AGAP1: variants seen among roughly 807,000 people sequenced by gnomAD.
The protein encoded by AGAP1 is arf-GAP with GTPase, ANK repeat and PH domain-containing protein 1.
In AGAP1, 29 loss-of-function variants were observed where a neutral mutation model predicts 105.3. That is an observed-to-expected ratio of 0.28 (90% CI 0.21 to 0.38). The LOEUF is 0.38. AGAP1 is among the 10% of genes least tolerant of loss of function. The pLI is 1.00. For missense variants in AGAP1, 998 were observed against 1,165.1 expected (o/e 0.86, Z 2.09); for synonymous variants, 509 against 485.9 (o/e 1.05, Z -0.63).
intron 9 of AGAP1, among the ~76,000 whole-genome samples, chr2:235,846,897 G>C (rs1961561221): frequency 6.6e-6 from 1 of 152,196 alleles, no homozygotes; most frequent in Non-Finnish European, 1.5e-5. Flanking sequence ...CAAAGTGCTG[G>C]GATGACAGGC....
At chr2:235,727,882 T>C (rs1468227930) in intron 3 of AGAP1, among the ~76,000 whole-genome samples, 1 of 152,070 alleles carries the variant, frequency 6.6e-6, no homozygotes, top group African/African-American at 2.4e-5. Flanking sequence ...AGGGTGGGGG[T>C]GCAGCATGTC....
At chr2:236,007,259 C>T (rs2056352055) in intron 13 of AGAP1, among the ~76,000 whole-genome samples, 1 of 152,182 alleles carries the variant, frequency 6.6e-6, no homozygotes, top group Admixed American at 6.5e-5. Context: ...CCAGAGAAGT[C>T]CTTAAATGGA....
chr2:235,853,854 G>C (rs1202290973), intron 9 of AGAP1, among the ~76,000 whole-genome samples: 1 of 151,896 alleles, frequency 6.6e-6, no homozygotes, highest in Non-Finnish European at 1.5e-5. Flanking sequence ...GCTATACCTT[G>C]AATTAACTTG....
At chr2:235,564,926 C>T (rs535205128) in intron 1 of AGAP1, among the ~76,000 whole-genome samples, 1 of 148,786 alleles carries the variant, frequency 6.7e-6, no homozygotes, top group African/African-American at 2.6e-5. Flanking sequence ...CCTGAACCAC[C>T]ACTCACGGCC....
rs969971324 is a variant in AGAP1 at position 236,055,100 on chromosome 2, T to A, written c.2114+5819T>A. Among the ~76,000 whole-genome samples, 1 of 152,236 alleles carries A rather than the reference T, an allele frequency of 6.6e-6. No individual in the cohort carries two copies. The highest frequency in any genetic ancestry group is 1.5e-5 in the Non-Finnish European group (1 of 68,034). On this transcript the variant is annotated intron_variant, in intron 16 of 17. Coordinates refer to ENST00000304032, the MANE Select transcript of AGAP1 (RefSeq NM_001037131.3). This position sits in a 1 kb window ranked among gnomAD's most constrained non-coding sequence, Gnocchi z 6.2. ...CTCCCGCTTGTCAAGGTCCGGGCTG[T>A]GCTCTTCTTTCAATTAAGTTCTCTG... is the stretch of plus-strand genomic sequence containing the variant.
At chr2:235,861,789 C>T (rs893239737) in intron 9 of AGAP1, among the ~76,000 whole-genome samples, 1 of 152,182 alleles carries the variant, frequency 6.6e-6, no homozygotes, top group African/African-American at 2.4e-5. Flanking sequence ...GACCCTTCAC[C>T]TTCTCTGTGC....
At position 235,724,071 on chromosome 2, in the gene AGAP1, G is replaced by GT. The variant is rs1216699184; in HGVS notation, c.310+6429dup. On this transcript the variant is annotated intron_variant, in intron 3 of 17. Coordinates refer to ENST00000304032, the MANE Select transcript of AGAP1 (RefSeq NM_001037131.3). The surrounding 1 kb of genome is among the most constrained non-coding windows in gnomAD (Gnocchi z 4.9). The stretch of plus-strand genomic sequence containing the variant: ...CCTTAGCCAGGCATGATGTGGGAGC[G>GT]TTGGCCCTGGCATTCCCGGGTCTTC... Among the ~76,000 whole-genome samples, 1 of 152,242 alleles carries GT rather than the reference G, an allele frequency of 6.6e-6. No individual in the cohort carries two copies. Among genetic ancestry groups the GT allele is most frequent in the African/African-American group, 2.4e-5 (1 of 41,466 alleles).
rs1368159657 is a variant in AGAP1 at position 236,109,926 on chromosome 2, C to T, written c.2115-10266C>T. The stretch of plus-strand genomic sequence containing the variant: ...GACCAGAACCAAGTGTTAAGATGGC[C>T]AAAGGGAGAGCATGAGAAAATGATG... On this transcript the variant is annotated intron_variant, in intron 16 of 17. Coordinates refer to ENST00000304032, the MANE Select transcript of AGAP1 (RefSeq NM_001037131.3). The surrounding 1 kb of genome is among the most constrained non-coding windows in gnomAD (Gnocchi z 5.4). Among the ~76,000 whole-genome samples the T allele has an allele frequency of 6.6e-6, 1 of 152,174 alleles. No homozygotes were observed. The highest frequency in any genetic ancestry group is 1.5e-5 in the Non-Finnish European group (1 of 68,032).
chr2:235,602,941 A>G (rs1945781060), intron 1 of AGAP1, among the ~76,000 whole-genome samples: 1 of 152,176 alleles, frequency 6.6e-6, no homozygotes, highest in South Asian at 2.1e-4. Flanking sequence ...ACCTCAGGTG[A>G]TCCTCCTGCA....
intron 1 of AGAP1, among the ~76,000 whole-genome samples, chr2:235,576,704 C>A (rs545678398): frequency 1.3e-5 from 2 of 152,352 alleles, no homozygotes; most frequent in East Asian, 3.9e-4. Context: ...TTGGCCTGGG[C>A]CCCCTCTGAG....
chr2:235,834,896 G>A (rs568431053), intron 9 of AGAP1, among the ~76,000 whole-genome samples: 263 of 152,262 alleles, frequency 1.7e-3, no homozygotes, highest in African/African-American at 6.0e-3. Context: ...TCTTAATCAC[G>A]CCACGCAGGT....
Position 235,789,189 on chromosome 2 carries a change from GGTTTTT to G in AGAP1, c.674-8557_674-8552del, listed in dbSNP as rs1190007771. Among the ~76,000 whole-genome samples, 1 of 152,114 alleles carries G rather than the reference GGTTTTT, an allele frequency of 6.6e-6. No individual in the cohort carries two copies. Among genetic ancestry groups the G allele is most frequent in the South Asian group, 2.1e-4 (1 of 4,822 alleles). On this transcript the variant is annotated intron_variant, in intron 6 of 17. Transcript: ENST00000304032. This position sits in a 1 kb window ranked among gnomAD's most constrained non-coding sequence, Gnocchi z 4.2. ...ATACACCATATTTGTTTCAGCACAG[GGTTTTT>G]GTTTTTGTTTTTAATTATGTTCTTT...
Position 235,919,545 on chromosome 2 carries a change from A to G in AGAP1, c.1324+10639A>G, listed in dbSNP as rs2125097117. On this transcript the variant is annotated intron_variant, in intron 11 of 17. Transcript: ENST00000304032. This position sits in a 1 kb window ranked among gnomAD's most constrained non-coding sequence, Gnocchi z 4.1. ...CATTGCTGGATTCAGTTGTGAGATCATTTTGTAAGAACTGGAAAGCAGAGA... is the reference window on the plus strand; with the variant it reads ...CATTGCTGGATTCAGTTGTGAGATCGTTTTGTAAGAACTGGAAAGCAGAGA... 6.6e-6 allele frequency among the ~76,000 whole-genome samples: 1 copy of G among 152,218 alleles called. No homozygotes were observed. The highest frequency in any genetic ancestry group is 2.4e-5 in the African/African-American group (1 of 41,530).
rs1283604044 is a variant in AGAP1 at position 235,891,967 on chromosome 2, A to C, written c.1155+8518A>C. Among the ~76,000 whole-genome samples, 1 of 152,184 alleles carries C rather than the reference A, an allele frequency of 6.6e-6. No individual in the cohort carries two copies. The highest frequency in any genetic ancestry group is 1.5e-5 in the Non-Finnish European group (1 of 68,030). On this transcript the variant is annotated intron_variant, in intron 10 of 17. Coordinates refer to ENST00000304032, the MANE Select transcript of AGAP1 (RefSeq NM_001037131.3). The surrounding 1 kb of genome is among the most constrained non-coding windows in gnomAD (Gnocchi z 4.2). Reference sequence around the variant, plus strand: ...TCAGGAGTTCAAGACTAGCCTGGCCAATATGGTGAAACCCCATCTCTACTA... The same window carrying C: ...TCAGGAGTTCAAGACTAGCCTGGCCCATATGGTGAAACCCCATCTCTACTA...
chr2:235,495,898 C>G (rs955768121), intron 1 of AGAP1, among the ~76,000 whole-genome samples: 1 of 152,198 alleles, frequency 6.6e-6, no homozygotes, highest in South Asian at 2.1e-4. Context: ...AGTGGCTTGT[C>G]CATAATACAG....
chr2:235,804,756 G>A (rs1214359218), intron 8 of AGAP1, among the ~76,000 whole-genome samples: 1 of 152,212 alleles, frequency 6.6e-6, no homozygotes, highest in Non-Finnish European at 1.5e-5. Context: ...TACTATGGTG[G>A]CTTGCTGTGC....
At chr2:235,519,129 G>A (rs1482723808) in intron 1 of AGAP1, among the ~76,000 whole-genome samples, 4 of 152,144 alleles carry the variant, frequency 2.6e-5, no homozygotes, top group Non-Finnish European at 5.9e-5. Context: ...GTGGAGTACA[G>A]TGCCACAATC....
chr2:236,011,138 C>G (rs1211965138), intron 13 of AGAP1, among the ~76,000 whole-genome samples: 1 of 152,180 alleles, frequency 6.6e-6, no homozygotes, highest in Non-Finnish European at 1.5e-5. Context: ...TGGTGATTCC[C>G]TTGTTTGACC....
intron 1 of AGAP1, among the ~76,000 whole-genome samples, chr2:235,575,124 A>T (rs1021527681): frequency 6.7e-5 from 8 of 118,692 alleles, no homozygotes; most frequent in Admixed American, 6.3e-4. Flanking sequence ...TCCTGTCTCG[A>T]AAAAACAAAA....
Sources: allele counts gnomAD v4.1 joint callset (sites outside exome capture counted in the v4.1 genomes callset), GRCh38; gene constraint gnomAD v4.1.1; non-coding constraint Gnocchi (gnomAD v3.1); transcripts MANE v1.5; gene names NCBI Gene and HGNC (gene_info 2026-07-23, HGNC 2026-07-21).